The following CHST8 variants were observed in gnomAD, a reference collection of about 807,000 sequenced individuals.
The protein encoded by CHST8 is carbohydrate sulfotransferase 8, also known as GALNAC-4-ST1.
Under a neutral mutation model 15.0 loss-of-function variants are expected in CHST8, and 10 were observed. The observed-to-expected ratio is 0.67, with a 90% CI of 0.41 to 1.13. The LOEUF (loss-of-function observed/expected upper bound fraction) is 1.13, where lower values mean the gene tolerates loss of function less well. Among genes scored for constraint, CHST8 ranks in the 50% most tolerant of loss-of-function variants. The pLI, the probability that CHST8 is intolerant of heterozygous loss-of-function variation, is 0.00. For missense variants in CHST8, 634 were observed against 608.2 expected, an observed-to-expected ratio of 1.04 and a Z score of -0.45; for synonymous variants, 259 against 256.6, an observed-to-expected ratio of 1.01 and a Z score of -0.09.
At chr19:33,704,437 A>T (rs529721530) in intron 3 of CHST8, among the ~76,000 whole-genome samples, 143 of 152,030 alleles carry the variant, frequency 9.4e-4, no homozygotes, top group African/African-American at 2.8e-3. Context: ...GGCCTGACAG[A>T]GCCACAGGGA....
intron 2 of CHST8, among the ~76,000 whole-genome samples, chr19:33,672,789 T>G (rs1309931775): frequency 6.6e-6 from 1 of 152,126 alleles, no homozygotes; most frequent in Non-Finnish European, 1.5e-5. Context: ...CTGACCACCC[T>G]TGGCAGGGGA....
chr19:33,768,673 C>T (rs997954472), intron 3 of CHST8, among the ~76,000 whole-genome samples: 5 of 152,088 alleles, frequency 3.3e-5, no homozygotes, highest in African/African-American at 4.8e-5. Context: ...AGGCTAGTCT[C>T]GAACTCCCGG....
intron 3 of CHST8, among the ~76,000 whole-genome samples, chr19:33,754,909 T>C (rs1469133688): frequency 6.6e-6 from 1 of 152,204 alleles, no homozygotes; most frequent in Non-Finnish European, 1.5e-5. Context: ...AGGATCCCTT[T>C]CTGCTGAGCA....
intron 1 of CHST8, among the ~76,000 whole-genome samples, chr19:33,649,443 G>A (rs1039568719): frequency 6.6e-6 from 1 of 152,184 alleles, no homozygotes. Flanking sequence ...CGGAAGCGCA[G>A]CCTCCACCTG....
intron 3 of CHST8, among the ~76,000 whole-genome samples, chr19:33,708,263 G>A (rs1038088358): frequency 4.6e-5 from 7 of 152,198 alleles, no homozygotes; most frequent in South Asian, 2.1e-4. Flanking sequence ...CATGTTTTTC[G>A]TTGATGGATT....
intron 3 of CHST8, among the ~76,000 whole-genome samples, chr19:33,720,146 C>G (rs955483405): frequency 6.6e-6 from 1 of 152,088 alleles, no homozygotes; most frequent in Admixed American, 6.6e-5. Context: ...CTCCTCATAC[C>G]ATGGGGAGGG....
intron 3 of CHST8, among the ~76,000 whole-genome samples, chr19:33,705,917 T>C (rs1219368425): frequency 6.6e-6 from 1 of 152,208 alleles, no homozygotes; most frequent in East Asian, 1.9e-4. Flanking sequence ...GCAATGATGA[T>C]GGTGTGAGCA....
chr19:33,765,657 G>A (rs1414231109), intron 3 of CHST8, among the ~76,000 whole-genome samples: 2 of 151,988 alleles, frequency 1.3e-5, no homozygotes, highest in Non-Finnish European at 2.9e-5. Flanking sequence ...CACCTCCTGG[G>A]TTTAAGCGAT....
At chr19:33,668,861 G>T (rs531626627) in intron 2 of CHST8, among the ~76,000 whole-genome samples, 2 of 152,118 alleles carry the variant, frequency 1.3e-5, no homozygotes, top group East Asian at 1.9e-4. Context: ...TTTATACTGT[G>T]GTTCCCATCA....
chr19:33,757,466 GAAAGAAAGAAAGAAAGAAA>G (rs1974591516), intron 3 of CHST8, among the ~76,000 whole-genome samples: 2 of 39,660 alleles, frequency 5.0e-5, no homozygotes, highest in Non-Finnish European at 1.0e-4. Context: ...AAGAAAGAAA[GAAAGAAAGAAAGAAAGAAA>G]GAAAGAAAGA....
intron 2 of CHST8, among the ~76,000 whole-genome samples, chr19:33,674,482 C>T (rs77390981): frequency 0.024 from 3,602 of 152,260 alleles, 70 homozygotes; most frequent in Non-Finnish European, 0.029. Flanking sequence ...GGGAAAAGGA[C>T]GATTGCATGC....
At chr19:33,702,426 A>C (rs1448509966) in intron 3 of CHST8, among the ~76,000 whole-genome samples, 1 of 152,178 alleles carries the variant, frequency 6.6e-6, no homozygotes, top group Non-Finnish European at 1.5e-5. Flanking sequence ...CTCAAAGGAC[A>C]TTTCTTGCCA....
chr19:33,642,021 T>C (rs541399837), intron 1 of CHST8, among the ~76,000 whole-genome samples: 2 of 152,308 alleles, frequency 1.3e-5, no homozygotes, highest in South Asian at 2.1e-4. Flanking sequence ...AGGTGGATGA[T>C]TTCCGCCTGG....
chr19:33,667,810 C>T lies in CHST8; in HGVS notation c.-120C>T, dbSNP rs954859210. ...ATATCTTACCTTAATTTGACAAGTA[C>T]GCAAGAAATAATGCAAGACTCGTTT... On this transcript the variant is annotated 5_prime_UTR_variant, in exon 2 of 5. In the 5' UTR this introduces an upstream ATG that the reference lacks. Coordinates refer to ENST00000650847, the MANE Select transcript of CHST8 (RefSeq NM_001127895.2). The T allele has an allele frequency of 6.6e-6, 1 of 151,810 alleles. No homozygotes were observed. Among genetic ancestry groups the T allele is most frequent in the Non-Finnish European group, 1.5e-5 (1 of 67,990 alleles). 9.4% of individuals were successfully genotyped at this position (151,810 alleles called of 1,614,324 possible). A position where few individuals can be genotyped will look rare whatever the true frequency, so the allele number is the denominator to read the frequency against.
At chr19:33,706,733 A>T (rs1240763003) in intron 3 of CHST8, among the ~76,000 whole-genome samples, 2 of 152,218 alleles carry the variant, frequency 1.3e-5, no homozygotes, top group Non-Finnish European at 2.9e-5. Flanking sequence ...TGCTTGAATT[A>T]GTTCCTTCCC....
At chr19:33,661,867 CAAA>C (rs34236738) in intron 1 of CHST8, among the ~76,000 whole-genome samples, 79 of 76,702 alleles carry the variant, frequency 1.0e-3, no homozygotes, top group African/African-American at 2.1e-3. Context: ...TTCATCTTTA[CAAA>C]AAAAAAAAAA....
At chr19:33,651,943 T>C (rs1008635229) in intron 1 of CHST8, among the ~76,000 whole-genome samples, 1 of 152,168 alleles carries the variant, frequency 6.6e-6, no homozygotes, top group African/African-American at 2.4e-5. Context: ...ATTGTTTGTA[T>C]CTTCTATATT....
chr19:33,696,331 C>T (rs928355693), intron 3 of CHST8, among the ~76,000 whole-genome samples: 2 of 151,916 alleles, frequency 1.3e-5, no homozygotes, highest in African/African-American at 4.8e-5. Flanking sequence ...GGTCTCCAAC[C>T]CCTGCGTTAG....
intron 3 of CHST8, among the ~76,000 whole-genome samples, chr19:33,742,925 C>T (rs577452839): frequency 5.9e-5 from 9 of 152,260 alleles, no homozygotes; most frequent in East Asian, 1.9e-4. Context: ...CCATCAGTCT[C>T]GGGGTGTCCA....
Sources: gnomAD v4.1 joint callset for allele counts (sites outside exome capture counted in the v4.1 genomes callset) on GRCh38, gnomAD v4.1.1 for gene constraint, MANE v1.5 for transcripts, NCBI Gene and HGNC (gene_info 2026-07-23, HGNC 2026-07-21) for gene names.